BCR: variants seen among roughly 807,000 people sequenced by gnomAD.
The protein encoded by BCR is breakpoint cluster region protein.
Under a neutral mutation model 138.6 loss-of-function variants are expected in BCR, and 58 were observed. The observed-to-expected ratio is 0.42, with a 90% CI of 0.34 to 0.52. BCR has a LOEUF of 0.52. BCR is among the 20% of genes least tolerant of loss of function. The pLI is 0.06. For missense variants in BCR, 1,599 were observed against 1,727.2 expected, an observed-to-expected ratio of 0.93 and a Z score of 1.32; for synonymous variants, 786 against 730.1, an observed-to-expected ratio of 1.08 and a Z score of -1.23.
Position 23,284,984 on chromosome 22 carries a change from C to T in BCR, c.2238-49C>T, listed in dbSNP as rs200111493. ...GGCTCTTGACAGCAGTGACATCAGC[C>T]ATAGAAGGCAGTCGGTGCATGTGAA... On this transcript the variant is annotated intron_variant, in intron 9 of 22. Transcript: ENST00000305877. The T allele has an allele frequency of 2.8e-4, 439 of 1,582,180 alleles. 2 individuals are homozygous for T. Among genetic ancestry groups the T allele is most frequent in the Admixed American group, 6.1e-4 (36 of 58,990 alleles).
intron 2 of BCR, among the ~76,000 whole-genome samples, chr22:23,257,307 A>T (rs766904447): frequency 5.3e-5 from 8 of 152,168 alleles, no homozygotes; most frequent in Non-Finnish European, 1.0e-4. Flanking sequence ...CAGAACACGG[A>T]GGGAGAGCCA....
chr22:23,232,851 G>A (rs2072974252), intron 1 of BCR, among the ~76,000 whole-genome samples: 1 of 152,232 alleles, frequency 6.6e-6, no homozygotes, highest in Non-Finnish European at 1.5e-5. Context: ...AGACCATGGA[G>A]CCCCTGTTCT....
intron 16 of BCR, among the ~76,000 whole-genome samples, chr22:23,308,534 C>T (rs533181833): frequency 4.2e-4 from 64 of 152,178 alleles, no homozygotes; most frequent in African/African-American, 1.3e-3. Context: ...CTCAACCTCC[C>T]GACCTCGTGA....
Position 23,181,875 on chromosome 22 carries a change from G to A in BCR, c.915G>A (p.Gln305=), listed in dbSNP as rs1340528907. The A allele has an allele frequency of 6.2e-7, 1 of 1,613,176 alleles. No individual in the cohort carries two copies. The highest frequency in any genetic ancestry group is 1.3e-5 in the African/African-American group (1 of 74,948). The change falls in exon 1 of 23, where the codon CAG becomes CAA. Residue 305 remains glutamine (Q), a synonymous_variant. Transcript: ENST00000305877. ...PLLRSQSTSE[Q]EKRLTWPRRS... is the part of the protein sequence containing the mutation. ...TGCGCAGCCAGAGCACCTCTGAGCA[G>A]GAGAAGCGCCTTACCTGGCCCCGCA...
intron 1 of BCR, among the ~76,000 whole-genome samples, chr22:23,234,147 T>G (rs2042735370): frequency 6.6e-6 from 1 of 151,998 alleles, no homozygotes; most frequent in South Asian, 2.1e-4. Context: ...AAACAGAAAT[T>G]CTATTATGTG....
intron 16 of BCR, 66 bp downstream of exon 16, chr22:23,295,221 G>A (rs973835193): frequency 3.4e-5 from 41 of 1,207,126 alleles, no homozygotes; most frequent in South Asian, 2.7e-4. Flanking sequence ...AGCCCCTGGG[G>A]ACACTGAGAT....
intron 1 of BCR, among the ~76,000 whole-genome samples, chr22:23,225,498 G>A (rs2072880623): frequency 6.6e-6 from 1 of 152,202 alleles, no homozygotes; most frequent in African/African-American, 2.4e-5. Context: ...TGGAGGATGT[G>A]GCCCAAGCTC....
intron 1 of BCR, among the ~76,000 whole-genome samples, chr22:23,184,769 G>A (rs2072318522): frequency 6.6e-6 from 1 of 152,136 alleles, no homozygotes; most frequent in Admixed American, 6.5e-5. Flanking sequence ...CTGCCTAGCA[G>A]TTTCCCCTGA....
intron 1 of BCR, among the ~76,000 whole-genome samples, chr22:23,229,935 G>A (rs2072936984): frequency 6.6e-6 from 1 of 152,190 alleles, no homozygotes; most frequent in African/African-American, 2.4e-5. Context: ...TCTGTGGGGA[G>A]AGGAATGGAC....
intron 1 of BCR, among the ~76,000 whole-genome samples, chr22:23,188,408 C>T (rs976025205): frequency 6.6e-6 from 1 of 152,194 alleles, no homozygotes; most frequent in African/African-American, 2.4e-5. Flanking sequence ...GCTTTATAGC[C>T]TCCTTCCTTC....
intron 1 of BCR, among the ~76,000 whole-genome samples, chr22:23,204,060 G>C (rs1283444142): frequency 6.6e-6 from 1 of 152,176 alleles, no homozygotes; most frequent in African/African-American, 2.4e-5. Context: ...ACGTTTGGAG[G>C]GAGGGCAGCA....
At position 23,186,550 on chromosome 22, in the gene BCR, A is replaced by G. The variant is rs75554705; in HGVS notation, c.1279+4311A>G. On this transcript the variant is annotated intron_variant, in intron 1 of 22. Transcript: ENST00000305877. ...TGTACCCAGTGAATAATAACTCCCC[A>G]TTCCCTGCCCCCAGCCCCTGGCACT... Among the ~76,000 whole-genome samples, 433 of 152,102 alleles carry G rather than the reference A, an allele frequency of 2.8e-3. 3 individuals are homozygous for G. Among genetic ancestry groups the G allele is most frequent in the African/African-American group, 0.01 (422 of 41,470 alleles).
intron 2 of BCR, among the ~76,000 whole-genome samples, chr22:23,260,459 AATCG>A (rs1422366330): frequency 2.0e-5 from 3 of 152,166 alleles, no homozygotes; most frequent in Non-Finnish European, 4.4e-5. Context: ...GGGCCCCGTC[AATCG>A]AAGGGTCATG....
intron 1 of BCR, among the ~76,000 whole-genome samples, chr22:23,206,196 C>T (rs767548369): frequency 2.6e-5 from 4 of 152,166 alleles, no homozygotes; most frequent in Non-Finnish European, 5.9e-5. Flanking sequence ...AGCTAATAAT[C>T]GTTGAAGCCA....
intron 10 of BCR, among the ~76,000 whole-genome samples, chr22:23,286,763 G>A (rs746059573): frequency 8.5e-5 from 13 of 152,152 alleles, no homozygotes; most frequent in South Asian, 2.1e-4. Context: ...CCAGGGGCCC[G>A]ATGCTGAAAC....
chr22:23,251,880 TG>T (rs1301347711), intron 1 of BCR, among the ~76,000 whole-genome samples: 1 of 152,066 alleles, frequency 6.6e-6, no homozygotes, highest in African/African-American at 2.4e-5. Flanking sequence ...AAGATCCTTG[TG>T]GGTTGACAGT....
At chr22:23,252,624 G>T (rs1340335682) in intron 1 of BCR, among the ~76,000 whole-genome samples, 9 of 151,630 alleles carry the variant, frequency 5.9e-5, no homozygotes, top group South Asian at 2.1e-4. Context: ...TAGAGATGGG[G>T]TTCACCATAT....
At chr22:23,198,322 C>T (rs1479576582) in intron 1 of BCR, 4 of 435,572 alleles carry the variant, frequency 9.2e-6, no homozygotes, top group African/African-American at 4.3e-5. Flanking sequence ...GTCCGTGTGC[C>T]GAGGAGGGGA....
chr22:23,206,937 T>C (rs1054600268), intron 1 of BCR, among the ~76,000 whole-genome samples: 122 of 50,534 alleles, frequency 2.4e-3, no homozygotes, highest in Non-Finnish European at 3.7e-3. Flanking sequence ...TGTCATCCAT[T>C]CATTCCTCCC....
Sources: gnomAD v4.1 joint callset for allele counts (sites outside exome capture counted in the v4.1 genomes callset) on GRCh38, gnomAD v4.1.1 for gene constraint, MANE v1.5 for transcripts, NCBI Gene and HGNC (gene_info 2026-07-23, HGNC 2026-07-21) for gene names.